The following DUOX2 variants were observed in gnomAD, a reference collection of about 807,000 sequenced individuals.
DUOX2 encodes dual oxidase 2, also known as NADH/NADPH thyroid oxidase p138-tox.
A neutral mutation model predicts 183.3 loss-of-function variants in DUOX2; 185 were observed. That is an observed-to-expected ratio of 1.01 (90% CI 0.90 to 1.14). The LOEUF (loss-of-function observed/expected upper bound fraction) is 1.14, where lower values mean the gene tolerates loss of function less well. Ranked by LOEUF, DUOX2 falls within the 50% of genes most tolerant of loss-of-function variation. DUOX2 has a pLI of 0.00. For synonymous variants in DUOX2, 788 were observed against 812.4 expected, an observed-to-expected ratio of 0.97 and a Z score of 0.51; for missense variants, 1,999 against 2,022.9, an observed-to-expected ratio of 0.99 and a Z score of 0.23.
At chr15:45,095,160 C>A in intron 31 of DUOX2, 69 bp from the exon 32 acceptor site, 1 of 1,554,858 alleles carries the variant, frequency 6.4e-7, no homozygotes, top group Non-Finnish European at 8.7e-7. Flanking sequence ...GTGCCTTCAC[C>A]TGAGAGGCTG....
Position 45,113,068 on chromosome 15 carries a change from C to T in DUOX2, c.79G>A (p.Asp27Asn), listed in dbSNP as rs1894493064. 1.9e-6 allele frequency: 3 copies of T among 1,613,742 alleles called. No homozygotes were observed. The highest frequency in any genetic ancestry group is 3.3e-5 in the Admixed American group (2 of 60,002). Residue 27 changes from aspartate (D) to asparagine (N), a missense_variant, in exon 3 of 34, where the codon GAC becomes AAC. Transcript: ENST00000389039. ...TGSLGPSGSQDALSLPWEVQR... is the reference protein window; with the variant it reads ...TGSLGPSGSQNALSLPWEVQR... ...ACTTCCCAGGGCAGTGAGAGTGCGT[C>T]CTGACTGCCTGTGGGCACAGAGAAG...
chr15:45,103,092 T>C (rs956173471), intron 20 of DUOX2, among the ~76,000 whole-genome samples: 1 of 152,228 alleles, frequency 6.6e-6, no homozygotes, highest in Admixed American at 6.5e-5. Flanking sequence ...TGCAGTGACA[T>C]ACCCAGTGAG....
intron 14 of DUOX2, 147 bp from the exon 15 acceptor site, chr15:45,107,116 A>G: frequency 3.1e-6 from 4 of 1,310,710 alleles, no homozygotes; most frequent in Non-Finnish European, 4.3e-6. Context: ...AAAAGTCCCC[A>G]TTCATTTCCT....
chr15:45,108,069 A>G lies in DUOX2; in HGVS notation c.1552T>C (p.Trp518Arg). The change falls in exon 13 of 34, where the codon TGG (tryptophan) becomes CGG (arginine). Residue 518 changes from tryptophan (W) to arginine (R), a missense_variant. Trp to Arg is a moderately radical substitution (Grantham distance 101). Around this residue, in one of 3 missense-constraint regions of DUOX2, gnomAD observed 1,628 missense variants for 1,608.6 expected, o/e 1.01. Transcript: ENST00000389039. ...TACCCATTCCTGGTGTTCTCAAACC[A>G]GTAGCGGTCACCATCCCGCAGCCGT... ...FVRLRDGDRY[W>R]FENTRNGLFS... 1.9e-6 allele frequency: 3 copies of G among 1,614,030 alleles called. No homozygotes were observed. The highest frequency in any genetic ancestry group is 2.5e-6 in the Non-Finnish European group (3 of 1,179,974).
Position 45,101,232 on chromosome 15 carries a change from G to A in DUOX2, c.2894C>T (p.Ser965Leu), listed in dbSNP as rs144153950. 6.8e-5 allele frequency: 110 copies of A among 1,612,944 alleles called. No homozygotes were observed. In the East Asian group the frequency reaches 7.6e-4, roughly 11 times the overall value. Residue 965 changes from serine to leucine, a missense_variant, in exon 22 of 34, where the codon TCG becomes TTG. Transcript: ENST00000389039. ...IFKQNISCRV[S>L]FITRTPGERS... ...CTCCCCAGGTGTCCGAGTGATGAACGAGACTCGACAGCTGATGTTTTGTTT... is the reference window on the plus strand; with the variant it reads ...CTCCCCAGGTGTCCGAGTGATGAACAAGACTCGACAGCTGATGTTTTGTTT...
chr15:45,111,392 C>A lies in DUOX2; in HGVS notation c.707G>T (p.Gly236Val), dbSNP rs1595528559. The part of the protein sequence containing the change: ...DPATGQNGPR[G>V]LYAFGAERGN... ...CGCCCCTGTGGCCTCACCGTACAGCCCCCGGGGCCCGTTCTGCCCGGTGGC... is the reference window on the plus strand; with the variant it reads ...CGCCCCTGTGGCCTCACCGTACAGCACCCGGGGCCCGTTCTGCCCGGTGGC... The change falls in exon 6 of 34, where the codon GGG becomes GTG. Residue 236 changes from glycine (G) to valine (V), a missense_variant. Gly to Val is a moderately radical substitution (Grantham distance 109). Coordinates refer to ENST00000389039, the MANE Select transcript of DUOX2 (RefSeq NM_001363711.2). 1 of 1,452,650 alleles carries A rather than the reference C, an allele frequency of 6.9e-7. No homozygotes were observed. The highest frequency in any genetic ancestry group is 2.5e-5 in the East Asian group (1 of 40,138). 90.0% of individuals were successfully genotyped at this position (1,452,650 alleles called of 1,614,324 possible). A position where few individuals can be genotyped will look rare whatever the true frequency, so the allele number is the denominator to read the frequency against.
chr15:45,099,290 G>A (rs181174939), intron 26 of DUOX2, 93 bp downstream of exon 26: 5 of 1,149,252 alleles, frequency 4.4e-6, no homozygotes, highest in East Asian at 2.5e-5. Context: ...GATTACAGGC[G>A]TGAGCCACCG....
At chr15:45,103,064 C>T (rs1475352931) in intron 20 of DUOX2, among the ~76,000 whole-genome samples, 8 of 152,188 alleles carry the variant, frequency 5.3e-5, no homozygotes, top group Non-Finnish European at 4.4e-5. Context: ...TCCCTTGAGC[C>T]TCACCTCGGG....
rs1893933265 is a variant in DUOX2 at position 45,097,388 on chromosome 15, T to C, written c.3697A>G (p.Ile1233Val). 1.9e-6 allele frequency: 3 copies of C among 1,614,222 alleles called. No individual in the cohort carries two copies. Among genetic ancestry groups the C allele is most frequent in the Non-Finnish European group, 2.5e-6 (3 of 1,180,030 alleles). ...ATCAGAGCATAGCTGCCATGGATGA[T>C]GAGCTGGAGACACGGCCAGTTAGTA... The part of the protein sequence containing the change: ...HLYILLYALL[I>V]IHGSYALIQL... Residue 1233 changes from isoleucine to valine, a missense_variant, in exon 29 of 34, where the codon ATC (isoleucine) becomes GTC (valine). Transcript: ENST00000389039.
At chr15:45,113,536 G>A in intron 1 of DUOX2, 111 bp from the exon 2 acceptor site, 3 of 848,452 alleles carry the variant, frequency 3.5e-6, no homozygotes, top group South Asian at 1.4e-5. Context: ...AGCACCAGCT[G>A]TTTCCACTTC....
At position 45,106,562 on chromosome 15, in the gene DUOX2, G is replaced by A. The variant is rs144100380; in HGVS notation, c.1911C>T (p.Ser637=). 413 of 1,613,964 alleles carry A rather than the reference G, an allele frequency of 2.6e-4. No individual in the cohort carries two copies. The African/African-American group carries it at 4.3e-3, about 17-fold the overall frequency. ...HKKLQKKLKE[S]VKKEAAKDGV... is the part of the protein sequence containing the mutation. ...CATCTTTGGCTGCTTCCTTCTTCACGCTCTCTTTGAGTTTCTTTTGTAGCT... is the reference window on the plus strand; with the variant it reads ...CATCTTTGGCTGCTTCCTTCTTCACACTCTCTTTGAGTTTCTTTTGTAGCT... The change falls in exon 16 of 34, where the codon AGC becomes AGT. Residue 637 remains serine, a synonymous_variant. Transcript: ENST00000389039.
At chr15:45,110,301 G>C in intron 9 of DUOX2, 127 bp downstream of exon 9, 1 of 890,624 alleles carries the variant, frequency 1.1e-6, no homozygotes, top group Non-Finnish European at 1.7e-6. Context: ...TCTGTTTCAG[G>C]GCCCCAAATT....
chr15:45,093,851 TC>T lies in DUOX2; in HGVS notation c.*298del. 1 of 405,398 alleles carries T rather than the reference TC, an allele frequency of 2.5e-6. No individual in the cohort carries two copies. The highest frequency in any genetic ancestry group is 2.3e-5 in the South Asian group (1 of 44,166). The allele number at this position is 405,398 out of a possible 1,614,324, so 25.1% of individuals were successfully genotyped here. ...AGTGGTCTTTATCTTCTTTGGGAGA[TC>T]CTGACTGGTTGCGCACTTGCTAAGG... On this transcript the variant is annotated 3_prime_UTR_variant, in exon 34 of 34. Coordinates refer to ENST00000389039, the MANE Select transcript of DUOX2 (RefSeq NM_001363711.2).
chr15:45,108,631 T>A, intron 12 of DUOX2, 158 bp downstream of exon 12: 1 of 844,964 alleles, frequency 1.2e-6, no homozygotes, highest in South Asian at 1.6e-5. Flanking sequence ...CCCTCCTCTA[T>A]GATTTACCAA....
Position 45,092,995 on chromosome 15 carries a change from T to C in DUOX2, c.*1155A>G, listed in dbSNP as rs1893801859. 6.6e-6 allele frequency: 1 copy of C among 152,218 alleles called. No individual in the cohort carries two copies. Among genetic ancestry groups the C allele is most frequent in the Non-Finnish European group, 1.5e-5 (1 of 68,044 alleles). 9.4% of individuals were successfully genotyped at this position (152,218 alleles called of 1,614,324 possible). A position where few individuals can be genotyped will look rare whatever the true frequency, so the allele number is the denominator to read the frequency against. On this transcript the variant is annotated 3_prime_UTR_variant, in exon 34 of 34. Transcript: ENST00000389039. ...GATGGAAATGTTGAAACATTCTATG[T>C]CTTGACCTGGGTGGTGGTAAAACAT...
At chr15:45,104,512 G>A in intron 18 of DUOX2, 147 bp from the exon 19 acceptor site, 4 of 1,139,260 alleles carry the variant, frequency 3.5e-6, no homozygotes, top group Non-Finnish European at 5.0e-6. Flanking sequence ...TATACTGACT[G>A]GGGCCTCTGT....
intron 5 of DUOX2, 24 bp from the exon 6 acceptor site, chr15:45,111,609 C>T: frequency 6.6e-7 from 1 of 1,514,408 alleles, no homozygotes; most frequent in East Asian, 2.6e-5. Context: ...GGCGGGTGAG[C>T]CCGGGTCGAG....
At chr15:45,113,315 C>G (rs966531805) in intron 2 of DUOX2, 27 bp downstream of exon 2, 1 of 1,553,352 alleles carries the variant, frequency 6.4e-7, no homozygotes, top group Non-Finnish European at 8.7e-7. Context: ...GGGGAACACC[C>G]CGCCGCTAGA....
intron 26 of DUOX2, 87 bp from the exon 27 acceptor site, chr15:45,098,145 G>T: frequency 7.6e-7 from 1 of 1,308,146 alleles, no homozygotes; most frequent in Non-Finnish European, 1.1e-6. Context: ...TTTCCTGCTG[G>T]CCCTGACTGC....
Sources: allele counts gnomAD v4.1 joint callset (sites outside exome capture counted in the v4.1 genomes callset), GRCh38; gene constraint gnomAD v4.1.1; regional missense constraint gnomAD v4.1.1; transcripts MANE v1.5; gene names NCBI Gene and HGNC (gene_info 2026-07-23, HGNC 2026-07-21).